SHANK2: variants seen among roughly 807,000 people sequenced by gnomAD.
The protein encoded by SHANK2 is SH3 and multiple ankyrin repeat domains 2.
A neutral mutation model predicts 133.7 loss-of-function variants in SHANK2; 43 were observed. The observed-to-expected ratio is 0.32, with a 90% CI of 0.25 to 0.41. The LOEUF (loss-of-function observed/expected upper bound fraction) is 0.41. SHANK2 is among the 10% of genes least tolerant of loss of function. SHANK2 has a pLI of 1.00. For synonymous variants in SHANK2, 1,017 were observed against 952.8 expected, an observed-to-expected ratio of 1.07 and a Z score of -1.24; for missense variants, 1,994 against 2,235.8, an observed-to-expected ratio of 0.89 and a Z score of 2.18.
chr11:70,769,686 G>A (rs183176505), intron 14 of SHANK2, among the ~76,000 whole-genome samples: 15 of 152,354 alleles, frequency 9.8e-5, no homozygotes, highest in African/African-American at 3.4e-4. Context: ...TGTGCAGCAT[G>A]TGTGTAGTAT....
intron 17 of SHANK2, among the ~76,000 whole-genome samples, chr11:70,628,950 T>C (rs552452267): frequency 1.3e-5 from 2 of 152,314 alleles, no homozygotes; most frequent in South Asian, 2.1e-4. Flanking sequence ...CAGGATGTAC[T>C]TGGGGAGAGG....
chr11:70,907,087 G>A lies in SHANK2; in HGVS notation c.1108-10520C>T, dbSNP rs906543130. Among the ~76,000 whole-genome samples, 6 of 152,340 alleles carry A rather than the reference G, an allele frequency of 3.9e-5. No individual in the cohort carries two copies. The South Asian group carries it at 6.2e-4, about 16-fold the overall frequency. On this transcript the variant is annotated intron_variant, in intron 10 of 25. Coordinates refer to ENST00000601538, the MANE Select transcript of SHANK2 (RefSeq NM_012309.5). The stretch of plus-strand genomic sequence containing the variant: ...CAATGTCCACAACTCCTGAAGTGCC[G>A]GCTCAGGGGAGTCGTGGGCCAGGAC...
chr11:70,862,422 TAG>T (rs1803565985), intron 11 of SHANK2, among the ~76,000 whole-genome samples: 3 of 151,624 alleles, frequency 2.0e-5, no homozygotes, highest in Admixed American at 2.0e-4. Flanking sequence ...TGGGCTTGAG[TAG>T]AGACAATGGA....
At chr11:70,507,088 C>A (rs1200466232) in intron 17 of SHANK2, among the ~76,000 whole-genome samples, 4 of 152,246 alleles carry the variant, frequency 2.6e-5, no homozygotes, top group Admixed American at 6.5e-5. Context: ...AGAACCCTCG[C>A]ACTTGGGGAG....
chr11:70,772,929 A>C (rs1947284487), intron 14 of SHANK2, among the ~76,000 whole-genome samples: 1 of 152,226 alleles, frequency 6.6e-6, no homozygotes, highest in Non-Finnish European at 1.5e-5. Flanking sequence ...AAACCAATAC[A>C]ATTGGTATGC....
At chr11:70,673,796 C>T (rs1555016621) in intron 15 of SHANK2, among the ~76,000 whole-genome samples, 1 of 152,260 alleles carries the variant, frequency 6.6e-6, no homozygotes, top group Admixed American at 6.5e-5. Context: ...AACCTCCCTC[C>T]ACTCACTAGG....
At chr11:70,842,094 C>G (rs1948915453) in intron 11 of SHANK2, among the ~76,000 whole-genome samples, 1 of 152,168 alleles carries the variant, frequency 6.6e-6, no homozygotes, top group Non-Finnish European at 1.5e-5. Flanking sequence ...GCTATTTGGC[C>G]CATGCTTGTT....
intron 17 of SHANK2, among the ~76,000 whole-genome samples, chr11:70,549,770 C>G (rs1200400357): frequency 6.6e-6 from 1 of 152,258 alleles, no homozygotes; most frequent in Non-Finnish European, 1.5e-5. Flanking sequence ...TTTCCACAGA[C>G]AGTTAACACC....
chr11:70,714,181 C>T (rs1278733190), intron 14 of SHANK2, among the ~76,000 whole-genome samples: 1 of 152,206 alleles, frequency 6.6e-6, no homozygotes, highest in Non-Finnish European at 1.5e-5. Flanking sequence ...TTCCTTCTTC[C>T]CTGTCTGGAA....
At chr11:71,204,585 G>A (rs1352340378) in intron 2 of SHANK2, among the ~76,000 whole-genome samples, 3 of 152,194 alleles carry the variant, frequency 2.0e-5, no homozygotes, top group Non-Finnish European at 4.4e-5. Context: ...ACACCTGGAC[G>A]CCTGTACCCT....
At chr11:70,586,105 G>A (rs899006689) in intron 17 of SHANK2, among the ~76,000 whole-genome samples, 3 of 152,252 alleles carry the variant, frequency 2.0e-5, no homozygotes, top group South Asian at 2.1e-4. Context: ...TTGGAGAATC[G>A]CACAGGTGCC....
chr11:71,108,114 T>G (rs1951828717), intron 6 of SHANK2, among the ~76,000 whole-genome samples: 1 of 152,192 alleles, frequency 6.6e-6, no homozygotes, highest in Non-Finnish European at 1.5e-5. Context: ...TGCCCCTGGA[T>G]GTGCCCCAAG....
rs1555013330 is a variant in SHANK2, at chr11:70,661,633, G to A, written c.1899C>T (p.Asp633=). The change falls in exon 16 of 26, where the codon GAC becomes GAT. Residue 633 remains aspartate, a synonymous_variant. Coordinates refer to ENST00000601538, the MANE Select transcript of SHANK2 (RefSeq NM_012309.5). The part of the protein sequence containing the change: ...EEKTVVLQKK[D]NEGFGFVLRG... ...GAAGCACGAATCCAAAGCCCTCATT[G>A]TCTTTTTTCTGCAGGACCACCGTCT... 2 of 1,613,584 alleles carry A rather than the reference G, an allele frequency of 1.2e-6. No homozygotes were observed. Among genetic ancestry groups the A allele is most frequent in the East Asian group, 2.2e-5 (1 of 44,806 alleles).
intron 17 of SHANK2, among the ~76,000 whole-genome samples, chr11:70,600,854 G>A (rs1591634020): frequency 2.0e-5 from 3 of 152,240 alleles, no homozygotes; most frequent in Admixed American, 2.0e-4. Context: ...TGGAAAATAA[G>A]ATTGGGAAAC....
Position 71,147,340 on chromosome 11 carries a change from T to A in SHANK2, c.-12-2A>T. 1 of 1,541,344 alleles carries A rather than the reference T, an allele frequency of 6.5e-7. No homozygotes were observed. The highest frequency in any genetic ancestry group is 1.2e-5 in the South Asian group (1 of 83,484). On this transcript the variant is annotated splice_acceptor_variant, in intron 2 of 25. Coordinates refer to ENST00000601538, the MANE Select transcript of SHANK2 (RefSeq NM_012309.5). LOFTEE classifies it low-confidence loss of function (5UTR_SPLICE). ...GCTGCGCGGCATGGCTGCCTGTGTC[T>A]TCGAGGTGGGGAGAAGGAAGACAAA...
intron 9 of SHANK2, among the ~76,000 whole-genome samples, chr11:71,061,522 A>T (rs1290013478): frequency 1.3e-5 from 2 of 152,092 alleles, no homozygotes; most frequent in African/African-American, 4.8e-5. Context: ...CCTCCTTTTT[A>T]AAGTGGGGAT....
intron 3 of SHANK2, among the ~76,000 whole-genome samples, chr11:71,124,552 TATA>T (rs1284400612): frequency 1.4e-4 from 21 of 152,118 alleles, no homozygotes; most frequent in Admixed American, 5.9e-4. Context: ...TTACTGTTTA[TATA>T]ATAATATTAT....
intron 17 of SHANK2, among the ~76,000 whole-genome samples, chr11:70,564,678 G>T (rs539785468): frequency 1.3e-4 from 20 of 152,106 alleles, no homozygotes; most frequent in South Asian, 1.0e-3. Flanking sequence ...CTTTTAAAAA[G>T]AATTCTTTTT....
At chr11:70,951,589 T>TGC (rs1950844349) in intron 10 of SHANK2, among the ~76,000 whole-genome samples, 11 of 45,616 alleles carry the variant, frequency 2.4e-4, no homozygotes, top group Non-Finnish European at 4.6e-4. Context: ...CTCTGGCTGC[T>TGC]GTGCTGTGAC....
Sources: gnomAD v4.1 joint callset for allele counts (sites outside exome capture counted in the v4.1 genomes callset) on GRCh38, gnomAD v4.1.1 for gene constraint, MANE v1.5 for transcripts, NCBI Gene and HGNC (gene_info 2026-07-23, HGNC 2026-07-21) for gene names.